Variants in LRSAM1 observed in about 807,000 individuals in gnomAD.
LRSAM1 encodes leucine rich repeat and sterile alpha motif containing 1, also known as E3 ubiquitin-protein ligase LRSAM1.
In LRSAM1, 96 loss-of-function variants were observed where a neutral mutation model predicts 118.1. That is an observed-to-expected ratio of 0.81 (90% CI 0.69 to 0.96). The LOEUF (loss-of-function observed/expected upper bound fraction) is 0.96, where lower values mean the gene tolerates loss of function less well. Among genes scored for constraint, LRSAM1 ranks in the 40% least tolerant of loss-of-function variants. LRSAM1 has a pLI of 0.00. For missense variants in LRSAM1, 804 were observed against 915.5 expected, an observed-to-expected ratio of 0.88 and a Z score of 1.57; for synonymous variants, 322 against 364.2, an observed-to-expected ratio of 0.88 and a Z score of 1.32.
chr9:127,454,721 G>T (rs1003720087), intron 3 of LRSAM1, 122 bp downstream of exon 3: 1 of 1,113,060 alleles, frequency 9.0e-7, no homozygotes, highest in African/African-American at 1.5e-5. Context: ...ACCCACAGAA[G>T]AAATATTTGA....
Position 127,482,955 on chromosome 9 carries a change from G to A in LRSAM1, c.1094G>A (p.Arg365Lys), listed in dbSNP as rs1381062773. The A allele has an allele frequency of 6.4e-7, 1 of 1,557,392 alleles. No individual in the cohort carries two copies. Among genetic ancestry groups the A allele is most frequent in the Non-Finnish European group, 8.7e-7 (1 of 1,150,136 alleles). Residue 365 changes from arginine (R) to lysine (K), a missense_variant, in exon 16 of 26, where the codon AGA becomes AAA. Physicochemically the swap from Arg to Lys is conservative, Grantham distance 26. Coordinates refer to ENST00000300417, the MANE Select transcript of LRSAM1 (RefSeq NM_001005373.4). ...ILKSLENERIRMEQLMSITQE... is the reference protein window; with the variant it reads ...ILKSLENERIKMEQLMSITQE... ...ATGGATGGATTTTTTTCTAGAATAA[G>A]AATGGAACAGTTGATGTCCATAACC... is the stretch of plus-strand genomic sequence containing the variant.
intron 24 of LRSAM1, among the ~76,000 whole-genome samples, 167 bp from the exon 25 acceptor site, chr9:127,500,840 GAGA>G (rs111869310): frequency 7.9e-4 from 120 of 152,326 alleles, no homozygotes; most frequent in South Asian, 1.5e-3. Flanking sequence ...GCTCAGAGAA[GAGA>G]AGAAGAGAGT....
rs113994493 is a variant in LRSAM1, at chr9:127,481,927, C to T, written c.1088+700C>T. ...AAACTTAGCCAGGAGTGGTGGCAGG[C>T]GCCTATGGTTCCAGCTAAAAAAAAA... On this transcript the variant is annotated intron_variant, in intron 15 of 25. Transcript: ENST00000300417. 9.5e-3 allele frequency among the ~76,000 whole-genome samples: 1,419 copies of T among 150,072 alleles called. 29 individuals carry two copies. Among genetic ancestry groups the T allele is most frequent in the African/African-American group, 0.033 (1,335 of 40,788 alleles).
chr9:127,495,627 G>A (rs1017601405), intron 22 of LRSAM1, among the ~76,000 whole-genome samples: 2 of 152,244 alleles, frequency 1.3e-5, no homozygotes, highest in South Asian at 2.1e-4. Context: ...GGTCACTGCT[G>A]TGCAGGGCAG....
intron 21 of LRSAM1, among the ~76,000 whole-genome samples, chr9:127,494,801 CG>C (rs1836062014): frequency 1.3e-5 from 2 of 152,046 alleles, no homozygotes; most frequent in Admixed American, 6.6e-5. Context: ...AAAAATTAGC[CG>C]GGCATGGTGG....
Position 127,503,078 on chromosome 9 carries a change from G to C in LRSAM1, c.*179G>C. 1 of 799,518 alleles carries C rather than the reference G, an allele frequency of 1.3e-6. No homozygotes were observed. Among genetic ancestry groups the C allele is most frequent in the Non-Finnish European group, 2.0e-6 (1 of 503,120 alleles). The allele number at this position is 799,518 out of a possible 1,614,324, so 49.5% of individuals were successfully genotyped here. Reference sequence around the variant, plus strand: ...AAGCATGTCTGGGCCAGGCAGAGGTGCTCCTCATCCATGACACCACCAGTC... The same window carrying C: ...AAGCATGTCTGGGCCAGGCAGAGGTCCTCCTCATCCATGACACCACCAGTC... On this transcript the variant is annotated 3_prime_UTR_variant, in exon 26 of 26. Transcript: ENST00000300417.
At chr9:127,480,260 G>A (rs540037457) in intron 14 of LRSAM1, among the ~76,000 whole-genome samples, 1 of 152,358 alleles carries the variant, frequency 6.6e-6, no homozygotes, top group Non-Finnish European at 1.5e-5. Context: ...TCTATAAAGT[G>A]AGTGGGTTTG....
chr9:127,468,810 CAAAAAAAAA>C (rs1185949155), intron 10 of LRSAM1, among the ~76,000 whole-genome samples: 1,260 of 16,360 alleles, frequency 0.077, 20 homozygotes, highest in African/African-American at 0.21. Context: ...CCTGTCTCTA[CAAAAAAAAA>C]AAAAAAAAAA....
rs903883076 is a variant in LRSAM1 at position 127,498,510 on chromosome 9, C to T, written c.1912+1176C>T. Among the ~76,000 whole-genome samples, 8 of 152,134 alleles carry T rather than the reference C, an allele frequency of 5.3e-5. No individual in the cohort carries two copies. In the East Asian group the frequency reaches 1.2e-3, roughly 22 times the overall value. On this transcript the variant is annotated intron_variant, in intron 24 of 25. Transcript: ENST00000300417. ...CTCTGAGCCCAGCAGTCCTCAGGAC[C>T]GGCTGCTTCTCACTGTTTGAGTCAT...
At chr9:127,458,087 T>A (rs865788382) in intron 6 of LRSAM1, among the ~76,000 whole-genome samples, 1 of 151,952 alleles carries the variant, frequency 6.6e-6, no homozygotes, top group African/African-American at 2.4e-5. Context: ...TTTTCATTTT[T>A]AAAAAATTAG....
In LRSAM1 at chr9:127,473,888, A is replaced by T; in HGVS notation, c.707A>T (p.Asp236Val). 1.2e-6 allele frequency: 2 copies of T among 1,614,252 alleles called. No individual in the cohort carries two copies. Among genetic ancestry groups the T allele is most frequent in the Non-Finnish European group, 1.7e-6 (2 of 1,180,040 alleles). Reference sequence around the variant, plus strand: ...ATCGAGAACTCTCGGGACAGCCCTGATGGGCCCACGGACAGATTCTCAAGG... The same window carrying T: ...ATCGAGAACTCTCGGGACAGCCCTGTTGGGCCCACGGACAGATTCTCAAGG... ...DGIENSRDSP[D>V]GPTDRFSREE... The change falls in exon 11 of 26, where the codon GAT becomes GTT. Residue 236 changes from aspartate to valine, a missense_variant. Coordinates refer to ENST00000300417, the MANE Select transcript of LRSAM1 (RefSeq NM_001005373.4).
intron 25 of LRSAM1, among the ~76,000 whole-genome samples, chr9:127,502,061 G>A (rs115563889): frequency 0.021 from 3,272 of 152,336 alleles, 139 homozygotes; most frequent in African/African-American, 0.075. Context: ...TCCGGGTTGG[G>A]ATTGTTTGTA....
Position 127,456,798 on chromosome 9 carries a change from G to A in LRSAM1, c.175-518G>A, listed in dbSNP as rs185911080. Reference sequence around the variant, plus strand: ...GGAGAATTGCTTGAACCTGGGAGGCGGAGGTTGCAGTGAGCTGAGATCACA... The same window carrying A: ...GGAGAATTGCTTGAACCTGGGAGGCAGAGGTTGCAGTGAGCTGAGATCACA... On this transcript the variant is annotated intron_variant, in intron 5 of 25. Coordinates refer to ENST00000300417, the MANE Select transcript of LRSAM1 (RefSeq NM_001005373.4). Among the ~76,000 whole-genome samples the A allele has an allele frequency of 3.0e-3, 456 of 151,892 alleles. 4 individuals are homozygous for A. The highest frequency in any genetic ancestry group is 0.01 in the African/African-American group (432 of 41,418).
intron 13 of LRSAM1, 122 bp from the exon 14 acceptor site, chr9:127,479,717 G>T: frequency 7.1e-7 from 1 of 1,413,920 alleles, no homozygotes; most frequent in Non-Finnish European, 9.7e-7. Context: ...GGAGCTGGCC[G>T]GAGGTCACAC....
At chr9:127,463,283 A>T (rs888042634) in intron 9 of LRSAM1, among the ~76,000 whole-genome samples, 1 of 151,522 alleles carries the variant, frequency 6.6e-6, no homozygotes, top group Admixed American at 6.6e-5. Context: ...TGGGAAGCAC[A>T]GATTGTCTCA....
chr9:127,479,681 C>T (rs1835461409), intron 13 of LRSAM1, among the ~76,000 whole-genome samples, 158 bp from the exon 14 acceptor site: 1 of 152,182 alleles, frequency 6.6e-6, no homozygotes, highest in Admixed American at 6.5e-5. Context: ...TCCCCGTGTG[C>T]AGATGGACAC....
intron 10 of LRSAM1, among the ~76,000 whole-genome samples, chr9:127,469,902 T>A (rs560469459): frequency 5.8e-4 from 88 of 152,186 alleles, no homozygotes; most frequent in Admixed American, 2.2e-3. Context: ...GAGGAGGAGC[T>A]TGCAGTGAGC....
intron 21 of LRSAM1, among the ~76,000 whole-genome samples, chr9:127,494,679 C>T (rs1268381377): frequency 6.6e-6 from 1 of 152,186 alleles, no homozygotes; most frequent in African/African-American, 2.4e-5. Context: ...TGCAGTGGCT[C>T]ACGCCTGTAA....
intron 15 of LRSAM1, among the ~76,000 whole-genome samples, chr9:127,482,189 C>A (rs1229114934): frequency 7.2e-6 from 1 of 139,556 alleles, no homozygotes; most frequent in Non-Finnish European, 1.5e-5. Flanking sequence ...GTCACCCAGG[C>A]TGGAGTGCAG....
Sources: gnomAD v4.1 joint callset for allele counts (sites outside exome capture counted in the v4.1 genomes callset) on GRCh38, gnomAD v4.1.1 for gene constraint, MANE v1.5 for transcripts, NCBI Gene and HGNC (gene_info 2026-07-23, HGNC 2026-07-21) for gene names.